The following MYH11 variants were observed in gnomAD, a reference collection of about 807,000 sequenced individuals.
The protein encoded by MYH11 is myosin heavy chain 11, also known as myosin-11.
In MYH11, 80 loss-of-function variants were observed where a neutral mutation model predicts 246.6. That is an observed-to-expected ratio of 0.32 (90% CI 0.27 to 0.39). The LOEUF is 0.39. Ranked by LOEUF, MYH11 falls within the 10% of genes least tolerant of loss-of-function variation. The pLI, the probability that MYH11 is intolerant of heterozygous loss-of-function variation, is 1.00. For synonymous variants in MYH11, 1,071 were observed against 1,015.5 expected (o/e 1.05, Z -1.04); for missense variants, 2,158 against 2,546.8 (o/e 0.85, Z 3.29).
chr16:15,834,901 C>A (rs1034790477), intron 2 of MYH11, among the ~76,000 whole-genome samples: 14 of 138,196 alleles, frequency 1.0e-4, no homozygotes, highest in Non-Finnish European at 1.7e-4. Context: ...AGATCCCAGT[C>A]TCTACAGAAG....
chr16:15,823,553 A>G (rs2043474464), intron 2 of MYH11, 142 bp from the exon 3 acceptor site: 1 of 1,067,272 alleles, frequency 9.4e-7, no homozygotes, highest in Non-Finnish European at 1.4e-6. Flanking sequence ...CTGATATTCC[A>G]GGTACGTGGG....
chr16:15,756,599 A>G (rs1433884856), intron 13 of MYH11, 85 bp from the exon 14 acceptor site: 6 of 1,397,388 alleles, frequency 4.3e-6, no homozygotes, highest in East Asian at 2.3e-5. Flanking sequence ...TACACAACGC[A>G]TGGGCATCCG....
Position 15,747,619 on chromosome 16 carries a change from C to T in MYH11, c.2362G>A (p.Asp788Asn), listed in dbSNP as rs768858261. Residue 788 changes from aspartate (D) to asparagine (N), a missense_variant, in exon 19 of 41, where the codon GAT becomes AAT. By Grantham distance (23) the Asp-to-Asn change is conservative. Transcript: ENST00000300036. The part of the protein sequence containing the change: ...LEEERDLKIT[D>N]VIMAFQAMCR... ...ATCGCCTGGAAGGCCATGATGACATCGGTGATCTTCAAATCTCGCTCCTCC... is the reference window on the plus strand; with the variant it reads ...ATCGCCTGGAAGGCCATGATGACATTGGTGATCTTCAAATCTCGCTCCTCC... 2.5e-6 allele frequency: 4 copies of T among 1,614,080 alleles called. No individual in the cohort carries two copies. The highest frequency in any genetic ancestry group is 1.1e-5 in the South Asian group (1 of 91,058).
At chr16:15,794,473 T>C (rs2042696568) in intron 4 of MYH11, among the ~76,000 whole-genome samples, 1 of 152,250 alleles carries the variant, frequency 6.6e-6, no homozygotes, top group South Asian at 2.1e-4. Context: ...CGTTTTGGGA[T>C]TTCCTTCCTA....
chr16:15,794,722 T>C (rs932007355), intron 4 of MYH11, among the ~76,000 whole-genome samples: 1 of 151,962 alleles, frequency 6.6e-6, no homozygotes, highest in African/African-American at 2.4e-5. Context: ...GCCTTGAAAG[T>C]TACAAGAGAG....
rs141314621 is a variant in MYH11, at chr16:15,720,992, C to T, written c.4638G>A (p.Thr1546=). 6.2e-6 allele frequency: 10 copies of T among 1,614,004 alleles called. No individual in the cohort carries two copies. The African/African-American group carries it at 6.7e-5, about 11-fold the overall frequency. The part of the protein sequence containing the change: ...ALETQMEEMK[T]QLEELEDELQ... ...GCTCGTCCTCCAGCTCTTCCAGCTG[C>T]GTCTTCATCTCCTCCATCTGGGTCT... The change falls in exon 33 of 41, where the codon ACG becomes ACA. Residue 1546 remains threonine (T), a synonymous_variant. Transcript: ENST00000300036.
At chr16:15,818,000 C>A (rs1416976752) in intron 3 of MYH11, among the ~76,000 whole-genome samples, 1 of 152,174 alleles carries the variant, frequency 6.6e-6, no homozygotes, top group Non-Finnish European at 1.5e-5. Flanking sequence ...CTACTATGTG[C>A]CAGGCACCAG....
At chr16:15,821,084 C>T (rs1057206163) in intron 3 of MYH11, among the ~76,000 whole-genome samples, 1 of 152,206 alleles carries the variant, frequency 6.6e-6, no homozygotes, top group African/African-American at 2.4e-5. Context: ...ATTGCCCAGG[C>T]TGGTCTCGAA....
In MYH11 at chr16:15,725,781, A is replaced by G. The variant is rs915011385; in HGVS notation, c.3859-789T>C. ...CCCCATGAGTGGCAAGGCAGGGTAAATGGCTATGCCAAGTGAAAGAAGACC... is the reference window on the plus strand; with the variant it reads ...CCCCATGAGTGGCAAGGCAGGGTAAGTGGCTATGCCAAGTGAAAGAAGACC... On this transcript the variant is annotated intron_variant, in intron 28 of 40. Transcript: ENST00000300036. 3.3e-5 allele frequency: 13 copies of G among 398,558 alleles called. No individual in the cohort carries two copies. The Admixed American group carries it at 5.7e-4, about 18-fold the overall frequency. The allele number at this position is 398,558 out of a possible 1,614,324, so 24.7% of individuals were successfully genotyped here. A position where few individuals can be genotyped will look rare whatever the true frequency, so the allele number is the denominator to read the frequency against.
chr16:15,740,078 C>T lies in MYH11; in HGVS notation c.2970G>A (p.Met990Ile), dbSNP rs2041229911. The T allele has an allele frequency of 1.9e-6, 3 of 1,614,206 alleles. No individual in the cohort carries two copies. The highest frequency in any genetic ancestry group is 2.5e-6 in the Non-Finnish European group (3 of 1,180,044). ...TTGATAGTTTATTGTTCTGATCATC[C>T]ATGACCAGGATCTCATCCTCCAGTT... ...IKKLEDEILV[M>I]DDQNNKLSKE... Residue 990 changes from methionine (M) to isoleucine (I), a missense_variant, in exon 23 of 41, where the codon ATG (methionine) becomes ATA (isoleucine). Around this residue, in one of 11 missense-constraint regions of MYH11, gnomAD observed 284 missense variants for 315.4 expected, o/e 0.90. Coordinates refer to ENST00000300036, the MANE Select transcript of MYH11 (RefSeq NM_002474.3).
chr16:15,783,571 T>C (rs921720469), intron 5 of MYH11: 1 of 152,174 alleles, frequency 6.6e-6, no homozygotes, highest in Non-Finnish European at 1.5e-5. Context: ...AAATCTCAGC[T>C]ACAAGTGGAA....
Position 15,771,720 on chromosome 16 carries a change from G to A in MYH11, c.890-8C>T. The A allele has an allele frequency of 1.2e-6, 2 of 1,614,126 alleles. No homozygotes were observed. Among genetic ancestry groups the A allele is most frequent in the Non-Finnish European group, 1.7e-6 (2 of 1,180,008 alleles). ...CCTCCAAAAGCAAGTCACCTAGAAG[G>A]AGAGGAAGACAGGTCAGGGTCAATA... On this transcript the variant is annotated splice_region_variant and splice_polypyrimidine_tract_variant and intron_variant, in intron 8 of 40. Coordinates refer to ENST00000300036, the MANE Select transcript of MYH11 (RefSeq NM_002474.3).
intron 3 of MYH11, 65 bp downstream of exon 3, chr16:15,823,190 C>G: frequency 6.2e-7 from 1 of 1,607,010 alleles, no homozygotes; most frequent in Non-Finnish European, 8.5e-7. Flanking sequence ...CTGGCAAGAA[C>G]TGCAGACAAG....
intron 2 of MYH11, among the ~76,000 whole-genome samples, chr16:15,834,415 A>G (rs2043834316): frequency 1.3e-5 from 2 of 151,908 alleles, no homozygotes; most frequent in Admixed American, 6.6e-5. Context: ...AATCCCAGCT[A>G]CTCGGGAGGC....
In MYH11 at chr16:15,735,488, G is replaced by A. The variant is rs2041090347; in HGVS notation, c.3384C>T (p.Asp1128=). ...CCTTGTTCCTGGCGGCCCGCTCTGA[G>A]TCCAGGTCCTCCTGGAGGTCTGAGA... ...GHISDLQEDL[D]SERAARNKAE... Residue 1128 remains aspartate, a synonymous_variant, in exon 26 of 41, where the codon GAC becomes GAT. Transcript: ENST00000300036. 3 of 1,614,004 alleles carry A rather than the reference G, an allele frequency of 1.9e-6. No homozygotes were observed. The African/African-American group carries it at 4.0e-5, about 22-fold the overall frequency.
intron 9 of MYH11, among the ~76,000 whole-genome samples, chr16:15,764,890 T>C (rs1378472163): frequency 1.3e-5 from 2 of 152,258 alleles, no homozygotes; most frequent in East Asian, 1.9e-4. Flanking sequence ...GAAGAAGATA[T>C]ACATTTGTTT....
At chr16:15,704,155 A>T in intron 40 of MYH11, 32 bp from the exon 41 acceptor site, 1 of 1,613,004 alleles carries the variant, frequency 6.2e-7, no homozygotes, top group Non-Finnish European at 8.5e-7. Flanking sequence ...ATTATTTAGC[A>T]AAGAAATCTT....
At chr16:15,770,940 T>C (rs1381461884) in intron 9 of MYH11, among the ~76,000 whole-genome samples, 1 of 151,928 alleles carries the variant, frequency 6.6e-6, no homozygotes, top group Non-Finnish European at 1.5e-5. Flanking sequence ...AGAAATTAGG[T>C]TCTAGAAAAA....
In MYH11 at chr16:15,763,752, C is replaced by G. The variant is rs750642647; in HGVS notation, c.1129+44G>C. On this transcript the variant is annotated intron_variant, in intron 10 of 40. Transcript: ENST00000300036. ...GGTTAAATGTCACCTCCCCCACCCC[C>G]CCAACCCCAAAGTCATTGGTCATCA... 1.1e-5 allele frequency: 9 copies of G among 819,120 alleles called. 1 individual carries two copies. Among genetic ancestry groups the G allele is most frequent in the African/African-American group, 3.4e-5 (2 of 58,536 alleles). The allele number at this position is 819,120 out of a possible 1,614,324, so 50.7% of individuals were successfully genotyped here. A position where few individuals can be genotyped will look rare whatever the true frequency, so the allele number is the denominator to read the frequency against.
Sources: allele counts gnomAD v4.1 joint callset (sites outside exome capture counted in the v4.1 genomes callset), GRCh38; gene constraint gnomAD v4.1.1; regional missense constraint gnomAD v4.1.1; transcripts MANE v1.5; gene names NCBI Gene and HGNC (gene_info 2026-07-23, HGNC 2026-07-21).